The following MRPS9 variants were observed in gnomAD, a reference collection of about 807,000 sequenced individuals.
MRPS9 encodes the protein small ribosomal subunit protein uS9m.
In MRPS9, 45 loss-of-function variants were observed where a neutral mutation model predicts 59.9. The ratio of observed to expected loss-of-function variants is 0.75; its 90% CI spans 0.59 to 0.96. The LOEUF (loss-of-function observed/expected upper bound fraction) is 0.96. MRPS9 is among the 40% of genes least tolerant of loss of function. The pLI is 0.00. For missense variants in MRPS9, 473 were observed against 481.1 expected, an observed-to-expected ratio of 0.98 and a Z score of 0.16; for synonymous variants, 171 against 166.8, an observed-to-expected ratio of 1.03 and a Z score of -0.19.
At chr2:105,060,142 T>C (rs1679870611) in intron 2 of MRPS9, among the ~76,000 whole-genome samples, 1 of 152,050 alleles carries the variant, frequency 6.6e-6, no homozygotes, top group Non-Finnish European at 1.5e-5. Context: ...AATCTAAAAT[T>C]TTTTGTGAAG....
intron 4 of MRPS9, among the ~76,000 whole-genome samples, chr2:105,072,502 A>G (rs1043324113): frequency 6.6e-6 from 1 of 151,720 alleles, no homozygotes; most frequent in Non-Finnish European, 1.5e-5. Flanking sequence ...TATTTAATTT[A>G]TTTATGTAAT....
intron 2 of MRPS9, among the ~76,000 whole-genome samples, chr2:105,058,643 T>G (rs1329098598): frequency 6.6e-6 from 1 of 152,122 alleles, no homozygotes; most frequent in African/African-American, 2.4e-5. Context: ...GGATTCACAT[T>G]AAGTATAGAT....
chr2:105,069,246 G>A (rs1317868833), intron 2 of MRPS9, among the ~76,000 whole-genome samples: 2 of 132,478 alleles, frequency 1.5e-5, no homozygotes, highest in African/African-American at 5.7e-5. Flanking sequence ...ACAGAGTCTC[G>A]CCCTGTCACC....
intron 2 of MRPS9, among the ~76,000 whole-genome samples, chr2:105,054,552 C>T (rs1004214338): frequency 1.3e-5 from 2 of 152,172 alleles, no homozygotes; most frequent in Non-Finnish European, 2.9e-5. Flanking sequence ...TTCGCTGACT[C>T]TTGTGGCATT....
chr2:105,091,806 C>A (rs1327739589), intron 7 of MRPS9, among the ~76,000 whole-genome samples: 2 of 152,014 alleles, frequency 1.3e-5, no homozygotes, highest in African/African-American at 4.8e-5. Flanking sequence ...AAAAAAAATG[C>A]ACAGAGGAGC....
At chr2:105,080,923 CAA>C (rs1680320806) in intron 5 of MRPS9, among the ~76,000 whole-genome samples, 1 of 98,884 alleles carries the variant, frequency 1.0e-5, no homozygotes, top group African/African-American at 3.3e-5. Context: ...AAAAAAAAAA[CAA>C]CCTTCTTTTC....
chr2:105,068,216 A>AT (rs140796765), intron 2 of MRPS9, among the ~76,000 whole-genome samples: 7,156 of 152,258 alleles, frequency 0.047, 213 homozygotes, highest in Middle Eastern at 0.071. Context: ...AGGAAATAAT[A>AT]TTTTTTGAAT....
intron 5 of MRPS9, among the ~76,000 whole-genome samples, chr2:105,084,338 C>T (rs183104806): frequency 6.0e-5 from 9 of 151,066 alleles, no homozygotes; most frequent in African/African-American, 9.7e-5. Flanking sequence ...ATCCTTGTAA[C>T]GTATGTGTAC....
intron 2 of MRPS9, among the ~76,000 whole-genome samples, chr2:105,062,852 A>C (rs560320256): frequency 2.1e-4 from 32 of 152,340 alleles, no homozygotes; most frequent in African/African-American, 6.3e-4. Context: ...TTCCATTATC[A>C]GAGGAAGTTC....
intron 4 of MRPS9, among the ~76,000 whole-genome samples, chr2:105,071,973 C>T (rs1680123782): frequency 6.6e-6 from 1 of 150,476 alleles, no homozygotes; most frequent in South Asian, 2.1e-4. Flanking sequence ...TCTGGCTTCT[C>T]TTAAGATATT....
Position 105,089,074 on chromosome 2 carries a change from G to A in MRPS9, c.575+5G>A, listed in dbSNP as rs754743280. ...CCCAGAAAAAACTGTAACCAGGTAA[G>A]CTCTTTTCTTGCATTAAAATATAAG... On this transcript the variant is annotated splice_donor_5th_base_variant and intron_variant, in intron 6 of 10. Coordinates refer to ENST00000258455, the MANE Select transcript of MRPS9 (RefSeq NM_182640.3). 11 of 1,599,028 alleles carry A rather than the reference G, an allele frequency of 6.9e-6. No individual in the cohort carries two copies. The Admixed American group carries it at 1.2e-4, about 18-fold the overall frequency.
chr2:105,045,341 C>CTT (rs539221109), intron 1 of MRPS9, among the ~76,000 whole-genome samples: 7 of 141,264 alleles, frequency 5.0e-5, no homozygotes, highest in African/African-American at 1.5e-4. Context: ...AAACCCAATT[C>CTT]TTTTTTTTTT....
chr2:105,093,230 G>T (rs1680595098), intron 8 of MRPS9, among the ~76,000 whole-genome samples: 1 of 152,038 alleles, frequency 6.6e-6, no homozygotes, highest in African/African-American at 2.4e-5. Flanking sequence ...AATTGGTTGT[G>T]GATTCTCGTA....
intron 5 of MRPS9, among the ~76,000 whole-genome samples, chr2:105,085,376 C>T (rs774394427): frequency 2.0e-5 from 3 of 152,092 alleles, no homozygotes; most frequent in Non-Finnish European, 2.9e-5. Context: ...AGTTACTTTA[C>T]TATTACCATA....
Position 105,043,608 on chromosome 2 carries a change from C to CT in MRPS9, c.135+5389dup, listed in dbSNP as rs1296234979. ...CCTGCTTTCCTTTCTTTTTTCTTTC[C>CT]TTTTTTTTAGAATTTTTATTTATTT... On this transcript the variant is annotated intron_variant, in intron 1 of 10. Coordinates refer to ENST00000258455, the MANE Select transcript of MRPS9 (RefSeq NM_182640.3). Among the ~76,000 whole-genome samples, 8 of 151,632 alleles carry CT rather than the reference C, an allele frequency of 5.3e-5. No homozygotes were observed. The South Asian group carries it at 6.3e-4, about 12-fold the overall frequency.
In MRPS9 at chr2:105,097,141, G is replaced by A. The variant is rs1022441050; in HGVS notation, c.930-14G>A. 1 of 1,507,154 alleles carries A rather than the reference G, an allele frequency of 6.6e-7. No individual in the cohort carries two copies. Among genetic ancestry groups the A allele is most frequent in the East Asian group, 2.4e-5 (1 of 40,834 alleles). 93.4% of individuals were successfully genotyped at this position (1,507,154 alleles called of 1,614,324 possible). ...ATAGTAAACGTAACCACATTTACTT[G>A]TGCTGTGCTTTAGAGAACAGCTGAT... On this transcript the variant is annotated splice_polypyrimidine_tract_variant and intron_variant, in intron 9 of 10. Coordinates refer to ENST00000258455, the MANE Select transcript of MRPS9 (RefSeq NM_182640.3).
chr2:105,098,566 G>A (rs996874104), intron 10 of MRPS9: 11 of 152,204 alleles, frequency 7.2e-5, no homozygotes, highest in African/African-American at 2.7e-4. Context: ...TTGAGCTACT[G>A]TGCATATCTG....
chr2:105,093,228 G>A (rs1680595030), intron 8 of MRPS9, among the ~76,000 whole-genome samples: 1 of 152,128 alleles, frequency 6.6e-6, no homozygotes, highest in African/African-American at 2.4e-5. Context: ...TAAATTGGTT[G>A]TGGATTCTCG....
intron 5 of MRPS9, among the ~76,000 whole-genome samples, chr2:105,084,782 G>C (rs1362017404): frequency 1.3e-5 from 2 of 152,112 alleles, no homozygotes; most frequent in African/African-American, 4.8e-5. Context: ...TAATTCAGCA[G>C]TCGAAATTGC....
Sources: gnomAD v4.1 joint callset for allele counts (sites outside exome capture counted in the v4.1 genomes callset) on GRCh38, gnomAD v4.1.1 for gene constraint, MANE v1.5 for transcripts, NCBI Gene and HGNC (gene_info 2026-07-23, HGNC 2026-07-21) for gene names.